Variants in ITGA1 observed in about 807,000 individuals in gnomAD.
The protein encoded by ITGA1 is integrin alpha-1.
Under a neutral mutation model 145.9 loss-of-function variants are expected in ITGA1, and 85 were observed. The ratio of observed to expected loss-of-function variants is 0.58; its 90% confidence interval spans 0.49 to 0.70. The LOEUF is 0.70. Ranked by LOEUF, ITGA1 falls within the 30% of genes least tolerant of loss-of-function variation. The pLI, the probability that ITGA1 is intolerant of heterozygous loss-of-function variation, is 0.00. For missense variants in ITGA1, 1,351 were observed against 1,418.7 expected (o/e 0.95, Z 0.77); for synonymous variants, 520 against 495.3 (o/e 1.05, Z -0.66).
chr5:52,925,637 A>G, intron 19 of ITGA1, 150 bp downstream of exon 19: 1 of 614,838 alleles, frequency 1.6e-6, no homozygotes, highest in Non-Finnish European at 2.8e-6. Context: ...TGAAAGTATT[A>G]AGCTTTTTAA....
intron 1 of ITGA1, among the ~76,000 whole-genome samples, chr5:52,811,373 A>G (rs935827841): frequency 6.6e-6 from 1 of 152,216 alleles, no homozygotes; most frequent in African/African-American, 2.4e-5. Context: ...ATCTGATTCT[A>G]CTTGGTGCAG....
In ITGA1 at chr5:52,955,299, A is replaced by G. The variant is rs1416806004; in HGVS notation, c.*2848A>G. 1 of 152,222 alleles carries G rather than the reference A, an allele frequency of 6.6e-6. No homozygotes were observed. The highest frequency in any genetic ancestry group is 1.5e-5 in the Non-Finnish European group (1 of 68,026). 9.4% of individuals were successfully genotyped at this position (152,222 alleles called of 1,614,324 possible). Reference sequence around the variant, plus strand: ...ATGTATCTGCCACCTCTTACCAACCAGTGTGAGCTGACTTCAGCACACCAC... The same window carrying G: ...ATGTATCTGCCACCTCTTACCAACCGGTGTGAGCTGACTTCAGCACACCAC... On this transcript the variant is annotated 3_prime_UTR_variant, in exon 29 of 29. Coordinates refer to ENST00000282588, the MANE Select transcript of ITGA1 (RefSeq NM_181501.2).
intron 20 of ITGA1, 111 bp downstream of exon 20, chr5:52,927,775 T>A: frequency 1.4e-6 from 1 of 715,976 alleles, no homozygotes; most frequent in Middle Eastern, 3.5e-4. Flanking sequence ...GGATGAAAAA[T>A]GTTCAGTTCA....
intron 19 of ITGA1, 71 bp downstream of exon 19, chr5:52,925,558 G>A: frequency 2.7e-6 from 3 of 1,127,606 alleles, no homozygotes; most frequent in Non-Finnish European, 2.6e-6. Context: ...ATGCTACTGA[G>A]ATAATTGCTT....
At chr5:52,915,416 T>C (rs775084947) in intron 14 of ITGA1, 48 bp from the exon 15 acceptor site, 3 of 1,577,700 alleles carry the variant, frequency 1.9e-6, no homozygotes, top group Non-Finnish European at 8.6e-7. Flanking sequence ...TGAAACTGTT[T>C]TGAACAGACT....
intron 21 of ITGA1, 40 bp from the exon 22 acceptor site, chr5:52,932,007 G>A (rs991903237): frequency 8.2e-7 from 1 of 1,215,930 alleles, no homozygotes; most frequent in Admixed American, 1.7e-5. Context: ...AAATAGTCAA[G>A]ATTTTAATGG....
chr5:52,843,942 G>GTTA (rs1298686997), intron 1 of ITGA1, among the ~76,000 whole-genome samples: 2 of 151,846 alleles, frequency 1.3e-5, no homozygotes, highest in Non-Finnish European at 2.9e-5. Flanking sequence ...TATCATTACT[G>GTTA]TTATTATTAT....
chr5:52,818,579 A>G (rs1024420186), intron 1 of ITGA1, among the ~76,000 whole-genome samples: 4 of 152,204 alleles, frequency 2.6e-5, no homozygotes, highest in African/African-American at 7.2e-5. Context: ...ACCTTAAACA[A>G]TGCCTTTTAG....
At chr5:52,861,624 A>G in intron 3 of ITGA1, 65 bp downstream of exon 3, 1 of 929,346 alleles carries the variant, frequency 1.1e-6, no homozygotes, top group Non-Finnish European at 1.8e-6. Context: ...TAATCCCCAC[A>G]CTTTAAGAGG....
chr5:52,920,268 C>A, intron 16 of ITGA1, 64 bp from the exon 17 acceptor site: 1 of 1,258,704 alleles, frequency 7.9e-7, no homozygotes. Flanking sequence ...ATTTAATAAT[C>A]TGTACAATAT....
At chr5:52,908,558 T>C (rs1424072604) in intron 12 of ITGA1, among the ~76,000 whole-genome samples, 1 of 152,246 alleles carries the variant, frequency 6.6e-6, no homozygotes, top group Non-Finnish European at 1.5e-5. Context: ...ACTGCTTATC[T>C]AATTTTATTT....
intron 16 of ITGA1, among the ~76,000 whole-genome samples, chr5:52,919,295 T>A (rs1750697367): frequency 6.6e-6 from 1 of 152,154 alleles, no homozygotes; most frequent in South Asian, 2.1e-4. Context: ...TGCCCCCTCT[T>A]GGGAAAGACT....
chr5:52,825,514 T>A (rs1748946415), intron 1 of ITGA1, among the ~76,000 whole-genome samples: 1 of 152,160 alleles, frequency 6.6e-6, no homozygotes, highest in African/African-American at 2.4e-5. Context: ...CTATATAAGA[T>A]GGAAATTTTG....
At chr5:52,808,079 G>GA (rs1426008132) in intron 1 of ITGA1, among the ~76,000 whole-genome samples, 1 of 151,886 alleles carries the variant, frequency 6.6e-6, no homozygotes, top group Non-Finnish European at 1.5e-5. Context: ...ACTGTCAAAA[G>GA]AAAAAAAGCC....
chr5:52,930,932 A>G (rs1750885962), intron 21 of ITGA1, among the ~76,000 whole-genome samples: 2 of 152,276 alleles, frequency 1.3e-5, no homozygotes, highest in Non-Finnish European at 2.9e-5. Context: ...GCTGCTGCTT[A>G]TGGAGATGAA....
chr5:52,870,451 T>G (rs1561232544), intron 6 of ITGA1, among the ~76,000 whole-genome samples: 1 of 2,536 alleles, frequency 3.9e-4, no homozygotes, highest in African/African-American at 5.0e-3. Context: ...AATGTAGTTG[T>G]AAGATTTGTA....
intron 14 of ITGA1, among the ~76,000 whole-genome samples, chr5:52,910,965 A>G (rs1160418491): frequency 5.3e-5 from 7 of 132,044 alleles, no homozygotes; most frequent in East Asian, 4.7e-4. Flanking sequence ...TATACACTAT[A>G]TATACTATAT....
At chr5:52,847,294 G>A (rs567703783) in intron 1 of ITGA1, among the ~76,000 whole-genome samples, 13 of 151,820 alleles carry the variant, frequency 8.6e-5, no homozygotes, top group South Asian at 4.2e-4. Context: ...TACTATTGTC[G>A]CCAAAATTTA....
At position 52,829,618 on chromosome 5, in the gene ITGA1, GT is replaced by G. The variant is rs552124949; in HGVS notation, c.62-19738del. Among the ~76,000 whole-genome samples the G allele has an allele frequency of 5.3e-5, 8 of 150,490 alleles. 1 individual carries two copies. Among genetic ancestry groups the G allele is most frequent in the Admixed American group, 3.3e-4 (5 of 15,070 alleles). The stretch of plus-strand genomic sequence containing the variant: ...TTCAAAGGATATTTATCTGTTGTGG[GT>G]TTTTTTTTCATTTTTTGGAGAGGAA... On this transcript the variant is annotated intron_variant, in intron 1 of 28. Transcript: ENST00000282588.
Sources: gnomAD v4.1 joint callset for allele counts (sites outside exome capture counted in the v4.1 genomes callset) on GRCh38, gnomAD v4.1.1 for gene constraint, MANE v1.5 for transcripts, NCBI Gene and HGNC (gene_info 2026-07-23, HGNC 2026-07-21) for gene names.